UTP20: variants seen among roughly 807,000 people sequenced by gnomAD.
The protein encoded by UTP20 is UTP20 small subunit processome component, also known as small subunit processome component 20 homolog.
UTP20 carries 164 observed loss-of-function variants against 329.5 expected under a neutral mutation model. That is an observed-to-expected ratio of 0.50 (90% confidence interval 0.44 to 0.57). UTP20 has a LOEUF of 0.57. Among genes scored for constraint, UTP20 ranks in the 20% least tolerant of loss-of-function variants. The probability of loss-of-function intolerance (pLI) is 0.00; values close to 1 mark genes in which losing one functional copy is unlikely to be tolerated. For missense variants in UTP20, 3,055 were observed against 3,284.2 expected (o/e 0.93, Z 1.71); for synonymous variants, 1,151 against 1,159.3 (o/e 0.99, Z 0.14).
Position 101,305,974 on chromosome 12 carries a change from C to T in UTP20, c.1841C>T (p.Ala614Val). 6.2e-7 allele frequency: 1 copy of T among 1,613,892 alleles called. No homozygotes were observed. The highest frequency in any genetic ancestry group is 2.2e-5 in the East Asian group (1 of 44,858). Residue 614 changes from alanine to valine, a missense_variant, in exon 16 of 62, where the codon GCC becomes GTC. Transcript: ENST00000261637. ...ACTGATCTCTATTATCAGAGATTAG[C>T]CTTGTGTGGCTGCAAAGGGCCACTT... is the stretch of plus-strand genomic sequence containing the variant. Reference protein sequence around the residue: ...LLTDLYYQRLALCGCKGPLSQ... With the variant: ...LLTDLYYQRLVLCGCKGPLSQ...
At chr12:101,385,551 G>A in intron 60 of UTP20, 32 bp from the exon 61 acceptor site, 5 of 1,595,220 alleles carry the variant, frequency 3.1e-6, no homozygotes, top group Non-Finnish European at 4.3e-6. Flanking sequence ...TTTCCTACCT[G>A]TCTCTGATCA....
chr12:101,299,794 C>T lies in UTP20; in HGVS notation c.1543C>T (p.Leu515Phe). 1.2e-6 allele frequency: 2 copies of T among 1,612,538 alleles called. No individual in the cohort carries two copies. The highest frequency in any genetic ancestry group is 1.7e-5 in the Admixed American group (1 of 59,796). Residue 515 changes from leucine to phenylalanine, a missense_variant, in exon 13 of 62, where the codon CTT (leucine) becomes TTT (phenylalanine). Physicochemically the swap from Leu to Phe is conservative, Grantham distance 22. Around this residue, in one of 3 missense-constraint regions of UTP20, gnomAD observed 2,445 missense variants for 2,575.5 expected, o/e 0.95. Transcript: ENST00000261637. ...ACCCCCAAATAAAGATACTACTTAC[C>T]TTTCACAATCTTGGGCAGCCCTCGT... is the stretch of plus-strand genomic sequence containing the variant. ...KLPPNKDTTY[L>F]SQSWAALVVL...
intron 54 of UTP20, 66 bp downstream of exon 54, chr12:101,373,833 G>C (rs932777986): frequency 6.6e-7 from 1 of 1,526,122 alleles, no homozygotes; most frequent in Non-Finnish European, 8.9e-7. Context: ...GTTTAAGTAA[G>C]AATATATGTC....
chr12:101,280,951 C>G (rs1383241603), intron 1 of UTP20, among the ~76,000 whole-genome samples, 165 bp from the exon 2 acceptor site: 1 of 152,138 alleles, frequency 6.6e-6, no homozygotes, highest in Non-Finnish European at 1.5e-5. Context: ...TATTCATTAT[C>G]TTTGAACAGT....
chr12:101,374,178 T>C (rs1870396934), intron 54 of UTP20, among the ~76,000 whole-genome samples: 1 of 148,044 alleles, frequency 6.8e-6, no homozygotes, highest in Non-Finnish European at 1.5e-5. Context: ...GAGCTTGCAG[T>C]GAGCCGAGGT....
At chr12:101,374,201 C>G (rs1870398297) in intron 54 of UTP20, among the ~76,000 whole-genome samples, 2 of 150,120 alleles carry the variant, frequency 1.3e-5, no homozygotes, top group Non-Finnish European at 3.0e-5. Context: ...CGCCACTGCA[C>G]TCCAGCCTGG....
At chr12:101,315,430 G>C (rs779199648) in intron 21 of UTP20, among the ~76,000 whole-genome samples, 3 of 151,926 alleles carry the variant, frequency 2.0e-5, no homozygotes, top group Non-Finnish European at 4.4e-5. Context: ...GTTGCAATGA[G>C]CTGAGATTGT....
chr12:101,293,279 A>C (rs1442447500), intron 11 of UTP20, 34 bp downstream of exon 11: 1 of 1,589,684 alleles, frequency 6.3e-7, no homozygotes, highest in East Asian at 2.2e-5. Flanking sequence ...GTATTTTTAA[A>C]AACAAATCTG....
rs182979458 is a variant in UTP20, at chr12:101,368,091, T to C, written c.6384+115T>C. ...AAGCTTTATGAGATGATTGAGGTGT[T>C]TTTGTTTGGTTGGTGGGTTTTTTGG... is the stretch of plus-strand genomic sequence containing the variant. On this transcript the variant is annotated intron_variant, in intron 48 of 61. Coordinates refer to ENST00000261637, the MANE Select transcript of UTP20 (RefSeq NM_014503.3). 498 of 730,422 alleles carry C rather than the reference T, an allele frequency of 6.8e-4. 1 individual carries two copies. In the African/African-American group the frequency reaches 8.0e-3, roughly 12 times the overall value. 45.2% of individuals were successfully genotyped at this position (730,422 alleles called of 1,614,324 possible).
chr12:101,290,883 T>G lies in UTP20; in HGVS notation c.886T>G (p.Leu296Val). 1 of 1,611,978 alleles carries G rather than the reference T, an allele frequency of 6.2e-7. No individual in the cohort carries two copies. The highest frequency in any genetic ancestry group is 8.5e-7 in the Non-Finnish European group (1 of 1,179,436). The stretch of plus-strand genomic sequence containing the variant: ...ACATTTTGGTACATTTTTTGAATGT[T>G]TGCAAGTGAGTTCTAATCTTTAAGG... ...KEHFGTFFEC[L>V]QESLLDLHTK... Residue 296 changes from leucine (L) to valine (V), a missense_variant, in exon 8 of 62, where the codon TTG (leucine) becomes GTG (valine). This residue lies in a region of UTP20 where 2,445 missense variants were observed against 2,575.5 expected (regional missense o/e 0.95). Coordinates refer to ENST00000261637, the MANE Select transcript of UTP20 (RefSeq NM_014503.3).
intron 55 of UTP20, among the ~76,000 whole-genome samples, chr12:101,375,272 G>C (rs750095225): frequency 1.3e-5 from 2 of 151,288 alleles, no homozygotes; most frequent in Non-Finnish European, 1.5e-5. Flanking sequence ...AAAAAAAAAT[G>C]GGGGGTTGGG....
chr12:101,368,027 C>T (rs1373293463), intron 48 of UTP20, 51 bp downstream of exon 48: 34 of 1,293,792 alleles, frequency 2.6e-5, no homozygotes, highest in Non-Finnish European at 3.7e-5. Flanking sequence ...TTCAGAAGAA[C>T]TATGTTTTGC....
At chr12:101,346,211 C>A (rs3782847) in intron 37 of UTP20, among the ~76,000 whole-genome samples, 1 of 152,048 alleles carries the variant, frequency 6.6e-6, no homozygotes, top group Non-Finnish European at 1.5e-5. Context: ...ACCACCACAC[C>A]CAGCTAATTT....
At chr12:101,321,307 T>C (rs1868367766) in intron 24 of UTP20, among the ~76,000 whole-genome samples, 197 bp from the exon 25 acceptor site, 1 of 152,236 alleles carries the variant, frequency 6.6e-6, no homozygotes, top group South Asian at 2.1e-4. Context: ...TAATCTTTTC[T>C]AATCCGTTAT....
intron 24 of UTP20, 109 bp from the exon 25 acceptor site, chr12:101,321,395 G>T: frequency 6.9e-7 from 1 of 1,456,040 alleles, no homozygotes; most frequent in Non-Finnish European, 9.2e-7. Flanking sequence ...ACCATAATAT[G>T]TACTATATAC....
intron 28 of UTP20, 23 bp downstream of exon 28, chr12:101,333,467 G>A: frequency 6.2e-7 from 1 of 1,608,530 alleles, no homozygotes. Flanking sequence ...TTCTACATCT[G>A]CCTATGTACG....
chr12:101,386,078 G>C lies in UTP20; in HGVS notation c.8313G>C (p.Lys2771Asn), dbSNP rs1175335991. 1.9e-6 allele frequency: 3 copies of C among 1,608,218 alleles called. No homozygotes were observed. The highest frequency in any genetic ancestry group is 2.5e-6 in the Non-Finnish European group (3 of 1,178,956). The change falls in exon 62 of 62, where the codon AAG becomes AAC. Residue 2771 changes from lysine to asparagine, a missense_variant. Physicochemically the swap from Lys to Asn is moderately conservative, Grantham distance 94. Coordinates refer to ENST00000261637, the MANE Select transcript of UTP20 (RefSeq NM_014503.3). ...IEFLRPGYKA[K>N]RQKSHSLKDL... ...TCCTGCGTCCAGGATATAAGGCCAA[G>C]AGACAAAAAAGCCATAGCCTGAAAG...
At chr12:101,355,312 G>A (rs896120287) in intron 41 of UTP20, among the ~76,000 whole-genome samples, 194 bp downstream of exon 41, 1 of 152,020 alleles carries the variant, frequency 6.6e-6, no homozygotes. Flanking sequence ...AAGCAGTAAC[G>A]CTCCTTCTTT....
Position 101,385,702 on chromosome 12 carries a change from C to G in UTP20, c.8176C>G (p.Leu2726Val), listed in dbSNP as rs1870803589. Residue 2726 changes from leucine to valine, a missense_variant, in exon 61 of 62, where the codon CTC becomes GTC. Leu to Val is a conservative substitution (Grantham distance 32). Around this residue, in one of 3 missense-constraint regions of UTP20, gnomAD observed 337 missense variants for 345.5 expected, o/e 0.98. Coordinates refer to ENST00000261637, the MANE Select transcript of UTP20 (RefSeq NM_014503.3). ...VQKQANEKRA[L>V]RKKRKALEFV... is the part of the protein sequence containing the mutation. ...GAAACAGGCTAATGAGAAAAGGGCA[C>G]TCCGGAAAAAGAGGAAGGCCCTGGA... 1.2e-6 allele frequency: 2 copies of G among 1,609,842 alleles called. No individual in the cohort carries two copies. The highest frequency in any genetic ancestry group is 1.7e-6 in the Non-Finnish European group (2 of 1,179,290).
Sources: allele counts gnomAD v4.1 joint callset (sites outside exome capture counted in the v4.1 genomes callset), GRCh38; gene constraint gnomAD v4.1.1; regional missense constraint gnomAD v4.1.1; transcripts MANE v1.5; gene names NCBI Gene and HGNC (gene_info 2026-07-23, HGNC 2026-07-21).